Variants in TP63 observed in about 807,000 individuals in gnomAD.
The protein encoded by TP63 is tumor protein 63.
A neutral mutation model predicts 82.8 loss-of-function variants in TP63; 17 were observed. The ratio of observed to expected loss-of-function variants is 0.21; its 90% CI spans 0.14 to 0.31. The LOEUF is 0.31. TP63 is among the 10% of genes least tolerant of loss of function. The pLI, the probability that TP63 is intolerant of heterozygous loss-of-function variation, is 1.00. For missense variants in TP63, 648 were observed against 895.3 expected, an observed-to-expected ratio of 0.72 and a Z score of 3.52; for synonymous variants, 330 against 321.7, an observed-to-expected ratio of 1.03 and a Z score of -0.28.
At chr3:189,835,584 A>G (rs1053227447) in intron 4 of TP63, among the ~76,000 whole-genome samples, 1 of 152,190 alleles carries the variant, frequency 6.6e-6, no homozygotes, top group Non-Finnish European at 1.5e-5. Context: ...GTTTGCCTAC[A>G]ACTAAAGCAA....
chr3:189,675,467 A>G (rs935157751), intron 1 of TP63, among the ~76,000 whole-genome samples: 12 of 152,154 alleles, frequency 7.9e-5, no homozygotes, highest in African/African-American at 2.9e-4. Context: ...AATATAACCT[A>G]AACATCATAA....
chr3:189,612,571 A>C, the TP63 span, among the ~76,000 whole-genome samples: 4 of 152,326 alleles, frequency 2.6e-5, no homozygotes, highest in African/African-American at 9.6e-5. Context: ...TTGGTACTCT[A>C]GAGTGGGCCA....
rs1720962180 is a variant in TP63, at chr3:189,741,218, C to G, written c.324+2444C>G. Among the ~76,000 whole-genome samples the G allele has an allele frequency of 5.0e-5, 3 of 59,838 alleles. 1 individual carries two copies. Among genetic ancestry groups the G allele is most frequent in the African/African-American group, 1.9e-4 (3 of 15,816 alleles). 39.3% of individuals were successfully genotyped at this position (59,838 alleles called of 152,430 possible). ...TCTGTCTGTGGAAAAAAAAAAAAAA[C>G]CCTGAGATATTCCTAACAACGTAGA... is the stretch of plus-strand genomic sequence containing the variant. On this transcript the variant is annotated intron_variant, in intron 3 of 13. Coordinates refer to ENST00000264731, the MANE Select transcript of TP63 (RefSeq NM_003722.5).
intron 4 of TP63, among the ~76,000 whole-genome samples, chr3:189,824,227 T>TTA (rs1560222462): frequency 1.4e-4 from 21 of 151,418 alleles, no homozygotes; most frequent in African/African-American, 2.9e-4. Context: ...TATTATTATT[T>TTA]TTTTTTTGAG....
chr3:189,759,845 G>C (rs1315831273), intron 3 of TP63, among the ~76,000 whole-genome samples: 1 of 152,184 alleles, frequency 6.6e-6, no homozygotes, highest in South Asian at 2.1e-4. Context: ...ATTTACAAAA[G>C]AAAGAGGTTT....
intron 4 of TP63, 34 bp from the exon 5 acceptor site, chr3:189,864,198 C>G: frequency 2.0e-5 from 32 of 1,605,530 alleles, no homozygotes; most frequent in African/African-American, 2.7e-5. Context: ...TTGGTTCTCT[C>G]CTTCCTTTCT....
chr3:189,725,269 A>G (rs1193618039), intron 1 of TP63, among the ~76,000 whole-genome samples: 1 of 152,226 alleles, frequency 6.6e-6, no homozygotes, highest in African/African-American at 2.4e-5. Context: ...TAAACATGGT[A>G]ATGTGAAGTT....
At chr3:189,675,966 A>G (rs938999482) in intron 1 of TP63, among the ~76,000 whole-genome samples, 5 of 152,142 alleles carry the variant, frequency 3.3e-5, no homozygotes, top group Non-Finnish European at 5.9e-5. Flanking sequence ...ATTAAAAAGA[A>G]CCGTGAACCC....
intron 1 of TP63, among the ~76,000 whole-genome samples, chr3:189,733,866 C>T (rs1720350593): frequency 6.6e-6 from 1 of 151,966 alleles, no homozygotes; most frequent in South Asian, 2.1e-4. Context: ...AATTAATATA[C>T]CCTTTTAATT....
At chr3:189,694,766 T>C (rs1278781960) in intron 1 of TP63, among the ~76,000 whole-genome samples, 1 of 143,510 alleles carries the variant, frequency 7.0e-6, no homozygotes, top group Non-Finnish European at 1.5e-5. Context: ...CCATACTCTT[T>C]GAAAGGAGGC....
chr3:189,740,959 T>C (rs901108020), intron 3 of TP63, among the ~76,000 whole-genome samples: 3 of 152,334 alleles, frequency 2.0e-5, no homozygotes, highest in Admixed American at 2.0e-4. Context: ...GTCATAGTTG[T>C]TTATTTTTCT....
At chr3:189,870,525 T>C (rs764866751) in intron 9 of TP63, among the ~76,000 whole-genome samples, 2 of 152,062 alleles carry the variant, frequency 1.3e-5, no homozygotes, top group Non-Finnish European at 2.9e-5. Context: ...TTAGTATCCA[T>C]GGGGGCCAGA....
At chr3:189,660,313 C>T (rs542040605) in intron 1 of TP63, among the ~76,000 whole-genome samples, 5 of 151,872 alleles carry the variant, frequency 3.3e-5, no homozygotes, top group Non-Finnish European at 7.4e-5. Flanking sequence ...GAGTCCTTTC[C>T]GCATGCTTAT....
chr3:189,817,311 G>T (rs1458202099), intron 4 of TP63, among the ~76,000 whole-genome samples: 2 of 152,116 alleles, frequency 1.3e-5, no homozygotes, highest in African/African-American at 4.8e-5. Flanking sequence ...GATTACTTAA[G>T]GGTTCTCATT....
chr3:189,713,035 C>T (rs899513540), intron 1 of TP63, among the ~76,000 whole-genome samples: 2 of 152,240 alleles, frequency 1.3e-5, no homozygotes, highest in African/African-American at 4.8e-5. Context: ...CTAGGTTTGC[C>T]TGGGAATTCT....
At chr3:189,837,351 C>T (rs1255355383) in intron 4 of TP63, among the ~76,000 whole-genome samples, 3 of 146,378 alleles carry the variant, frequency 2.0e-5, no homozygotes, top group African/African-American at 7.5e-5. Flanking sequence ...GGCAATCTAC[C>T]TTGAAGATTG....
At chr3:189,712,485 A>C (rs559344167) in intron 1 of TP63, among the ~76,000 whole-genome samples, 1 of 152,252 alleles carries the variant, frequency 6.6e-6, no homozygotes, top group South Asian at 2.1e-4. Flanking sequence ...TCTGATGAGC[A>C]CCAGCTTTTT....
intron 1 of TP63, among the ~76,000 whole-genome samples, chr3:189,701,815 G>A (rs1717833434): frequency 6.6e-6 from 1 of 152,004 alleles, no homozygotes; most frequent in Non-Finnish European, 1.5e-5. Context: ...AAGCAGAGGT[G>A]ATAATACCTG....
intron 1 of TP63, among the ~76,000 whole-genome samples, chr3:189,634,604 G>A (rs188273563): frequency 6.6e-6 from 1 of 152,108 alleles, no homozygotes; most frequent in East Asian, 1.9e-4. Context: ...TAACACCTTA[G>A]AGCTTATTAA....
Sources: gnomAD v4.1 joint callset for allele counts (sites outside exome capture counted in the v4.1 genomes callset) on GRCh38, gnomAD v4.1.1 for gene constraint, MANE v1.5 for transcripts, NCBI Gene and HGNC (gene_info 2026-07-23, HGNC 2026-07-21) for gene names.